The following SMYD3 variants were observed in gnomAD, a reference collection of about 807,000 sequenced individuals.
SMYD3 encodes SET and MYND domain containing 3.
A neutral mutation model predicts 57.7 loss-of-function variants in SMYD3; 36 were observed. The ratio of observed to expected loss-of-function variants is 0.62; its 90% confidence interval spans 0.48 to 0.82. SMYD3 has a LOEUF of 0.82. Ranked by LOEUF, SMYD3 falls within the 40% of genes least tolerant of loss-of-function variation. The probability of loss-of-function intolerance (pLI) is 0.00; values close to 1 mark genes in which losing one functional copy is unlikely to be tolerated. For missense variants in SMYD3, 515 were observed against 538.8 expected (o/e 0.96, Z 0.44); for synonymous variants, 211 against 195.0 (o/e 1.08, Z -0.68).
At chr1:246,266,009 C>G (rs113272664) in intron 5 of SMYD3, among the ~76,000 whole-genome samples, 7 of 152,192 alleles carry the variant, frequency 4.6e-5, no homozygotes, top group Non-Finnish European at 8.8e-5. Context: ...GCAGGTGCAA[C>G]TGAGTTCCTT....
At chr1:246,212,850 A>AAGC (rs1433134667) in intron 5 of SMYD3, among the ~76,000 whole-genome samples, 1 of 152,196 alleles carries the variant, frequency 6.6e-6, no homozygotes, top group African/African-American at 2.4e-5. Context: ...AATATGTACC[A>AAGC]AGCACAAGGC....
intron 10 of SMYD3, among the ~76,000 whole-genome samples, chr1:245,792,601 A>G (rs2047322185): frequency 6.6e-6 from 1 of 152,168 alleles, no homozygotes; most frequent in Non-Finnish European, 1.5e-5. Flanking sequence ...TTGTTTATCC[A>G]CTTTGGGGGT....
chr1:246,435,221 C>G (rs1032102737), intron 1 of SMYD3, among the ~76,000 whole-genome samples: 2 of 152,134 alleles, frequency 1.3e-5, no homozygotes, highest in Non-Finnish European at 2.9e-5. Flanking sequence ...ATGCTCACTA[C>G]CTGGGTGACA....
intron 1 of SMYD3, among the ~76,000 whole-genome samples, chr1:246,504,568 A>G (rs1558495402): frequency 6.6e-6 from 1 of 152,232 alleles, no homozygotes; most frequent in Non-Finnish European, 1.5e-5. Context: ...TATGCAGTGC[A>G]TGACTGTAAT....
At chr1:246,059,188 T>G (rs2060208008) in intron 5 of SMYD3, among the ~76,000 whole-genome samples, 1 of 152,170 alleles carries the variant, frequency 6.6e-6, no homozygotes, top group Non-Finnish European at 1.5e-5. Context: ...CAACTCCACA[T>G]TTCTAATGGA....
chr1:246,487,855 C>T (rs1239829365), intron 1 of SMYD3, among the ~76,000 whole-genome samples: 3 of 152,042 alleles, frequency 2.0e-5, no homozygotes, highest in African/African-American at 4.8e-5. Flanking sequence ...CCACCAAGCC[C>T]GGCTAATTTT....
chr1:246,050,624 T>C (rs1022180510), intron 5 of SMYD3, among the ~76,000 whole-genome samples: 1 of 152,208 alleles, frequency 6.6e-6, no homozygotes, highest in African/African-American at 2.4e-5. Context: ...GGTATGAAGA[T>C]AACAAATTGG....
At chr1:246,374,919 C>G (rs1469932270) in intron 1 of SMYD3, among the ~76,000 whole-genome samples, 1 of 152,028 alleles carries the variant, frequency 6.6e-6, no homozygotes, top group Non-Finnish European at 1.5e-5. Flanking sequence ...ATGGTGAAAC[C>G]TCATCTCTAC....
At chr1:245,786,882 C>T (rs887371479) in intron 10 of SMYD3, among the ~76,000 whole-genome samples, 1 of 152,144 alleles carries the variant, frequency 6.6e-6, no homozygotes, top group Non-Finnish European at 1.5e-5. Flanking sequence ...TATGGTCTTC[C>T]ATTTTCTCAG....
intron 5 of SMYD3, among the ~76,000 whole-genome samples, chr1:246,096,687 T>G (rs1051742035): frequency 6.6e-6 from 1 of 152,220 alleles, no homozygotes; most frequent in African/African-American, 2.4e-5. Flanking sequence ...GCAATGTATA[T>G]GAAAAAGATA....
chr1:246,360,040 A>G (rs948694282), intron 1 of SMYD3, among the ~76,000 whole-genome samples: 6 of 152,194 alleles, frequency 3.9e-5, no homozygotes, highest in African/African-American at 1.4e-4. Flanking sequence ...TTTGCTGATG[A>G]TATGATTGTA....
At chr1:246,324,695 C>T (rs570194557) in intron 5 of SMYD3, among the ~76,000 whole-genome samples, 98 of 151,814 alleles carry the variant, frequency 6.5e-4, no homozygotes, top group Admixed American at 1.5e-3. Context: ...GTGAAGAAGG[C>T]TGGCTTTACC....
At chr1:246,449,955 C>T (rs1183772521) in intron 1 of SMYD3, among the ~76,000 whole-genome samples, 1 of 152,160 alleles carries the variant, frequency 6.6e-6, no homozygotes, top group Non-Finnish European at 1.5e-5. Context: ...ACCGTTTTGA[C>T]TACTGTGACA....
At position 246,335,490 on chromosome 1, in the gene SMYD3, T is replaced by C. The variant is rs2065528592; in HGVS notation, c.229-16A>G. ...AAGCTTTTTTCTATTAAAACAAGAGTGGGGAGAACATAGGTGACCTAAAAT... is the reference window on the plus strand; with the variant it reads ...AAGCTTTTTTCTATTAAAACAAGAGCGGGGAGAACATAGGTGACCTAAAAT... On this transcript the variant is annotated splice_polypyrimidine_tract_variant and intron_variant, in intron 2 of 11. Coordinates refer to ENST00000490107, the MANE Select transcript of SMYD3 (RefSeq NM_001167740.2). 6.2e-7 allele frequency: 1 copy of C among 1,608,518 alleles called. No homozygotes were observed. The highest frequency in any genetic ancestry group is 1.7e-4 in the Middle Eastern group (1 of 6,048).
chr1:246,227,344 G>A (rs982348591), intron 5 of SMYD3, among the ~76,000 whole-genome samples: 3 of 152,174 alleles, frequency 2.0e-5, no homozygotes, highest in African/African-American at 4.8e-5. Flanking sequence ...GGCCGGGTGC[G>A]GCGGCTCACG....
intron 5 of SMYD3, among the ~76,000 whole-genome samples, chr1:246,125,539 A>T (rs12024130): frequency 0.084 from 12,755 of 152,204 alleles, 1,096 homozygotes; most frequent in African/African-American, 0.21. Flanking sequence ...AAAATTTAAA[A>T]TTTTTAGCTA....
intron 5 of SMYD3, among the ~76,000 whole-genome samples, chr1:246,159,734 G>A (rs1180367299): frequency 2.0e-5 from 3 of 152,146 alleles, no homozygotes; most frequent in Non-Finnish European, 2.9e-5. Context: ...AGGAGTGCAG[G>A]GAACACGACG....
At chr1:245,911,577 A>AT (rs1462390928) in intron 8 of SMYD3, among the ~76,000 whole-genome samples, 4 of 152,038 alleles carry the variant, frequency 2.6e-5, no homozygotes, top group Non-Finnish European at 5.9e-5. Flanking sequence ...AAATCCTGTC[A>AT]TTTGTAGCAA....
At chr1:246,382,773 C>A (rs868931) in intron 1 of SMYD3, among the ~76,000 whole-genome samples, 1 of 151,872 alleles carries the variant, frequency 6.6e-6, no homozygotes, top group African/African-American at 2.4e-5. Context: ...AGGCTCACCC[C>A]AGCACCAGGC....
Sources: gnomAD v4.1 joint callset for allele counts (sites outside exome capture counted in the v4.1 genomes callset) on GRCh38, gnomAD v4.1.1 for gene constraint, MANE v1.5 for transcripts, NCBI Gene and HGNC (gene_info 2026-07-23, HGNC 2026-07-21) for gene names.